Variants in KREMEN1 observed in about 807,000 individuals in gnomAD.
The protein encoded by KREMEN1 is kremen protein 1.
KREMEN1 carries 30 observed loss-of-function variants against 46.5 expected under a neutral mutation model. The observed-to-expected ratio is 0.65, with a 90% CI of 0.48 to 0.88. The LOEUF (loss-of-function observed/expected upper bound fraction) is 0.88. Among genes scored for constraint, KREMEN1 ranks in the 40% least tolerant of loss-of-function variants. The pLI is 0.00. For synonymous variants in KREMEN1, 214 were observed against 230.6 expected (o/e 0.93, Z 0.65); for missense variants, 533 against 596.9 (o/e 0.89, Z 1.11).
Position 29,073,098 on chromosome 22 carries a change from G to A in KREMEN1, c.-33G>A, listed in dbSNP as rs1362384293. 1 of 785,346 alleles carries A rather than the reference G, an allele frequency of 1.3e-6. No individual in the cohort carries two copies. The highest frequency in any genetic ancestry group is 1.5e-6 in the Non-Finnish European group (1 of 645,784). 48.6% of individuals were successfully genotyped at this position (785,346 alleles called of 1,614,324 possible). ...CTCCCCGCGCTGCCCCCTTTACCCC[G>A]GGCCGCGCCCCGGGGCCCCGCACTG... On this transcript the variant is annotated 5_prime_UTR_variant, in exon 1 of 9. Transcript: ENST00000400335. The surrounding 1 kb of genome is among the most constrained non-coding windows in gnomAD (Gnocchi z 4.4).
In KREMEN1 at chr22:29,084,025, G is replaced by C. The variant is rs113694608; in HGVS notation, c.98-10233G>C. Among the ~76,000 whole-genome samples the C allele has an allele frequency of 7.8e-3, 1,187 of 152,246 alleles. 12 individuals carry two copies. Among genetic ancestry groups the C allele is most frequent in the African/African-American group, 0.027 (1,110 of 41,540 alleles). On this transcript the variant is annotated intron_variant, in intron 1 of 8. Transcript: ENST00000400335. ...GATTACTCATGAGATTTCCGGGAAG[G>C]GGGTGAGGAGGTCCCGGAACTGAGG... is the stretch of plus-strand genomic sequence containing the variant.
chr22:29,141,404 T>C (rs1302310361), intron 8 of KREMEN1, among the ~76,000 whole-genome samples: 2 of 152,218 alleles, frequency 1.3e-5, no homozygotes, highest in Non-Finnish European at 2.9e-5. Flanking sequence ...GAGAGCCCAA[T>C]GCTTCCTATA....
chr22:29,079,222 C>CG (rs201768818), intron 1 of KREMEN1, among the ~76,000 whole-genome samples: 1,690 of 152,334 alleles, frequency 0.011, 27 homozygotes, highest in African/African-American at 0.038. Context: ...TCCTTCCCCT[C>CG]CTTTTAAATT....
intron 9 of KREMEN1, among the ~76,000 whole-genome samples, chr22:29,159,968 C>T (rs925423053): frequency 1.3e-5 from 2 of 151,900 alleles, no homozygotes; most frequent in Non-Finnish European, 2.9e-5. Context: ...CTTCAACACC[C>T]CACTGACAGC....
Position 29,140,383 on chromosome 22 carries a change from G to T in KREMEN1, c.1208+17G>T, listed in dbSNP as rs746050872. ...CACATTCAAGTGAGTACAAGAGGGA[G>T]CTGCCCAATTCCAGGAAAGGGAAGG... On this transcript the variant is annotated intron_variant, in intron 8 of 8. Transcript: ENST00000400335. 6.4e-7 allele frequency: 1 copy of T among 1,574,172 alleles called. No homozygotes were observed. The highest frequency in any genetic ancestry group is 8.7e-7 in the Non-Finnish European group (1 of 1,143,760).
rs182725424 is a variant in KREMEN1, at chr22:29,081,622, C to T, written c.97+8395C>T. Among the ~76,000 whole-genome samples the T allele has an allele frequency of 5.3e-5, 8 of 152,248 alleles. No homozygotes were observed. In the East Asian group the frequency reaches 1.5e-3, roughly 29 times the overall value. ...CTCTTATTCTTATTGCTCCAAGTGA[C>T]CAGAGATGATGGTTCCATCTACTTA... On this transcript the variant is annotated intron_variant, in intron 1 of 8. Transcript: ENST00000400335.
At chr22:29,129,048 T>C (rs1268807130) in intron 5 of KREMEN1, among the ~76,000 whole-genome samples, 2 of 152,234 alleles carry the variant, frequency 1.3e-5, no homozygotes, top group African/African-American at 4.8e-5. Context: ...AAGGCTGGCA[T>C]TCTGAGAGGC....
chr22:29,074,794 AT>A (rs931147048), intron 1 of KREMEN1, among the ~76,000 whole-genome samples: 1 of 152,260 alleles, frequency 6.6e-6, no homozygotes, highest in Non-Finnish European at 1.5e-5. Flanking sequence ...ACTTTGGGCC[AT>A]GCCTTCAGCT....
chr22:29,098,852 TC>T lies in KREMEN1; in HGVS notation c.261-6del. ...TCAGAAGTCATCAATTGTGTCCTTT[TC>T]CCCAACAGAAATCCAGATGGAGACG... is the stretch of plus-strand genomic sequence containing the variant. On this transcript the variant is annotated splice_polypyrimidine_tract_variant and intron_variant, in intron 2 of 8. Coordinates refer to ENST00000400335, the MANE Select transcript of KREMEN1 (RefSeq NM_001039570.3). 1.2e-6 allele frequency: 2 copies of T among 1,608,434 alleles called. No homozygotes were observed. Among genetic ancestry groups the T allele is most frequent in the Middle Eastern group, 3.3e-4 (2 of 6,058 alleles).
intron 9 of KREMEN1, among the ~76,000 whole-genome samples, chr22:29,157,205 G>T (rs1400069854): frequency 6.6e-6 from 1 of 152,240 alleles, no homozygotes; most frequent in East Asian, 1.9e-4. Context: ...TCCCTTGGAT[G>T]TAGCCAGAGA....
chr22:29,080,566 A>C (rs527276794), intron 1 of KREMEN1, among the ~76,000 whole-genome samples: 6 of 152,180 alleles, frequency 3.9e-5, no homozygotes, highest in Non-Finnish European at 7.4e-5. Flanking sequence ...AGCTGAAATG[A>C]CTAGGCCTTC....
chr22:29,094,692 CG>C (rs2037856750), intron 2 of KREMEN1, among the ~76,000 whole-genome samples: 1 of 148,880 alleles, frequency 6.7e-6, no homozygotes, highest in Non-Finnish European at 1.5e-5. Flanking sequence ...GGCGCGATCT[CG>C]GCTCACTGCA....
At chr22:29,148,556 C>T (rs1255398128), downstream of KREMEN1, among the ~76,000 whole-genome samples, 1 of 151,696 alleles carries the variant, frequency 6.6e-6, no homozygotes, top group East Asian at 1.9e-4. Flanking sequence ...CGGGTTCAAG[C>T]GATTCTCCTG....
At chr22:29,093,629 G>T (rs75791229) in intron 1 of KREMEN1, among the ~76,000 whole-genome samples, 13,145 of 152,134 alleles carry the variant, frequency 0.086, 822 homozygotes, top group African/African-American at 0.17. Context: ...ATGCCAGCCC[G>T]GCCCTTCCTC....
intron 4 of KREMEN1, among the ~76,000 whole-genome samples, chr22:29,123,177 C>T (rs1335612597): frequency 1.3e-5 from 2 of 151,788 alleles, no homozygotes; most frequent in South Asian, 4.2e-4. Context: ...AAAAGCACGA[C>T]CCATCATGAG....
At chr22:29,110,678 G>T (rs2038134063) in intron 3 of KREMEN1, among the ~76,000 whole-genome samples, 1 of 152,184 alleles carries the variant, frequency 6.6e-6, no homozygotes, top group African/African-American at 2.4e-5. Context: ...AGACTCGGGG[G>T]CACAATTAAG....
intron 9 of KREMEN1, among the ~76,000 whole-genome samples, chr22:29,166,460 C>T (rs2039053493): frequency 6.6e-6 from 1 of 152,152 alleles, no homozygotes; most frequent in South Asian, 2.1e-4. Flanking sequence ...GGGGAGGTCC[C>T]CCTAGACCTC....
rs1281292519 is a variant in KREMEN1, at chr22:29,144,461, G to A, written c.*2349G>A. The A allele has an allele frequency of 7.1e-6, 7 of 985,400 alleles. No homozygotes were observed. The South Asian group carries it at 1.4e-4, about 20-fold the overall frequency. 61.0% of individuals were successfully genotyped at this position (985,400 alleles called of 1,614,324 possible). A position where few individuals can be genotyped will look rare whatever the true frequency, so the allele number is the denominator to read the frequency against. On this transcript the variant is annotated 3_prime_UTR_variant, in exon 9 of 9. Coordinates refer to ENST00000400335, the MANE Select transcript of KREMEN1 (RefSeq NM_001039570.3). ...GCCTGCTGAGGGCACAGAGCTGCTC[G>A]GTGCAGCCTTCATGCTTTGATCTGG...
Position 29,146,024 on chromosome 22 carries a change from A to G in KREMEN1, c.*3912A>G. 1 of 985,368 alleles carries G rather than the reference A, an allele frequency of 1.0e-6. No homozygotes were observed. Among genetic ancestry groups the G allele is most frequent in the Non-Finnish European group, 1.2e-6 (1 of 829,560 alleles). The allele number at this position is 985,368 out of a possible 1,614,324, so 61.0% of individuals were successfully genotyped here. On this transcript the variant is annotated 3_prime_UTR_variant, in exon 9 of 9. Coordinates refer to ENST00000400335, the MANE Select transcript of KREMEN1 (RefSeq NM_001039570.3). Reference sequence around the variant, plus strand: ...TGGCACTGCACGCTTACTCTTCACAAGCACTTATACGCGGATGGCCTCCGA... The same window carrying G: ...TGGCACTGCACGCTTACTCTTCACAGGCACTTATACGCGGATGGCCTCCGA...
Sources: gnomAD v4.1 joint callset for allele counts (sites outside exome capture counted in the v4.1 genomes callset) on GRCh38, gnomAD v4.1.1 for gene constraint, Gnocchi (gnomAD v3.1) non-coding constraint, MANE v1.5 for transcripts, NCBI Gene and HGNC (gene_info 2026-07-23, HGNC 2026-07-21) for gene names.